Variants in TNIK observed in about 807,000 individuals in gnomAD.
The protein encoded by TNIK is TRAF2 and NCK-interacting protein kinase.
Under a neutral mutation model 191.3 loss-of-function variants are expected in TNIK, and 49 were observed. That is an observed-to-expected ratio of 0.26 (90% CI 0.20 to 0.32). TNIK has a LOEUF of 0.32. Ranked by LOEUF, TNIK falls within the 10% of genes least tolerant of loss-of-function variation. TNIK has a pLI of 1.00. For missense variants in TNIK, 1,155 were observed against 1,702.3 expected, an observed-to-expected ratio of 0.68 and a Z score of 5.66; for synonymous variants, 594 against 600.9, an observed-to-expected ratio of 0.99 and a Z score of 0.17.
At chr3:171,147,588 A>T (rs1468776775) in intron 12 of TNIK, among the ~76,000 whole-genome samples, 1 of 152,190 alleles carries the variant, frequency 6.6e-6, no homozygotes, top group Non-Finnish European at 1.5e-5. Flanking sequence ...GCACCTCTGA[A>T]TTCACTATAT....
At chr3:171,459,143 A>G (rs75059874) in intron 1 of TNIK, among the ~76,000 whole-genome samples, 3 of 152,220 alleles carry the variant, frequency 2.0e-5, no homozygotes, top group Non-Finnish European at 4.4e-5. Flanking sequence ...AATTCACGTG[A>G]AGGTAAACGC....
chr3:171,246,285 A>AT (rs34233731), intron 2 of TNIK, among the ~76,000 whole-genome samples: 13,441 of 150,454 alleles, frequency 0.089, 737 homozygotes, highest in African/African-American at 0.14. Context: ...AGAGAACCAG[A>AT]TAAAAAAAAA....
At chr3:171,364,737 A>C (rs1577646205) in intron 2 of TNIK, among the ~76,000 whole-genome samples, 1 of 152,298 alleles carries the variant, frequency 6.6e-6, no homozygotes, top group East Asian at 1.9e-4. Flanking sequence ...AGGGAAGCAG[A>C]GGCAGTGGCT....
chr3:171,262,763 TA>T (rs1423668444), intron 2 of TNIK, among the ~76,000 whole-genome samples: 1 of 152,266 alleles, frequency 6.6e-6, no homozygotes, highest in African/African-American at 2.4e-5. Context: ...AATTTTGTTC[TA>T]ATATCCATGC....
chr3:171,152,205 T>C (rs1732526840), intron 12 of TNIK, among the ~76,000 whole-genome samples: 1 of 151,950 alleles, frequency 6.6e-6, no homozygotes, highest in Non-Finnish European at 1.5e-5. Context: ...TGCTTGAATC[T>C]GGGAGGCAGA....
At chr3:171,412,005 C>T (rs761594072) in intron 1 of TNIK, among the ~76,000 whole-genome samples, 1 of 152,172 alleles carries the variant, frequency 6.6e-6, no homozygotes, top group African/African-American at 2.4e-5. Context: ...GCCTTGGGTG[C>T]CTGCTCTTAT....
chr3:171,379,160 GATAA>G (rs1271588891), intron 1 of TNIK, among the ~76,000 whole-genome samples: 1 of 152,086 alleles, frequency 6.6e-6, no homozygotes, highest in Non-Finnish European at 1.5e-5. Context: ...CAGCATAAAA[GATAA>G]ATAATATTTT....
chr3:171,154,914 G>A (rs1732965527), intron 12 of TNIK, among the ~76,000 whole-genome samples: 1 of 152,180 alleles, frequency 6.6e-6, no homozygotes, highest in African/African-American at 2.4e-5. Flanking sequence ...AACATTCAGT[G>A]TATATTCAAA....
At chr3:171,438,477 C>A (rs773207881) in intron 1 of TNIK, among the ~76,000 whole-genome samples, 10 of 152,222 alleles carry the variant, frequency 6.6e-5, no homozygotes, top group Non-Finnish European at 1.3e-4. Flanking sequence ...CCAGAAGACA[C>A]GTCCTGGTGA....
At chr3:171,428,004 G>A (rs1177202318) in intron 1 of TNIK, among the ~76,000 whole-genome samples, 4 of 152,158 alleles carry the variant, frequency 2.6e-5, no homozygotes, top group Non-Finnish European at 5.9e-5. Context: ...GCTGGGGGCT[G>A]GGGGAGCAGG....
chr3:171,148,447 C>G (rs1731944239), intron 12 of TNIK, among the ~76,000 whole-genome samples: 1 of 152,164 alleles, frequency 6.6e-6, no homozygotes, highest in African/African-American at 2.4e-5. Context: ...TACAGAGGAG[C>G]AAGAATGGCC....
chr3:171,082,586 A>G, intron 26 of TNIK, 192 bp from the exon 27 acceptor site: 1 of 685,828 alleles, frequency 1.5e-6, no homozygotes, highest in Non-Finnish European at 2.3e-6. Context: ...ATGAAATTAC[A>G]GTTTTCTTTT....
intron 1 of TNIK, among the ~76,000 whole-genome samples, chr3:171,379,208 A>G (rs1004224108): frequency 6.6e-6 from 1 of 152,246 alleles, no homozygotes; most frequent in East Asian, 1.9e-4. Flanking sequence ...CAGACTTAGC[A>G]TATTCATACT....
Position 171,108,756 on chromosome 3 carries a change from G to A in TNIK, c.2285-594C>T, listed in dbSNP as rs995190344. ...GTGGAACGGTTTTTAATTGGAGATG[G>A]GAGTGGTCTCAGCCCTTTAAAAATA... On this transcript the variant is annotated intron_variant, in intron 19 of 32. Coordinates refer to ENST00000436636, the MANE Select transcript of TNIK (RefSeq NM_015028.4). 3.3e-5 allele frequency among the ~76,000 whole-genome samples: 5 copies of A among 152,270 alleles called. No homozygotes were observed. The South Asian group carries it at 1.0e-3, about 32-fold the overall frequency.
At chr3:171,088,623 C>T (rs1721664964) in intron 23 of TNIK, among the ~76,000 whole-genome samples, 6 of 152,164 alleles carry the variant, frequency 3.9e-5, no homozygotes, top group Admixed American at 3.9e-4. Context: ...ACACGCTGTA[C>T]AGTTTTTACT....
chr3:171,403,316 T>C (rs1030739028), intron 1 of TNIK, among the ~76,000 whole-genome samples: 2 of 152,068 alleles, frequency 1.3e-5, no homozygotes, highest in Non-Finnish European at 2.9e-5. Flanking sequence ...GCTTTTGTCT[T>C]AGAAAAGGGG....
chr3:171,373,380 C>T (rs1716793052), intron 1 of TNIK, among the ~76,000 whole-genome samples: 1 of 152,108 alleles, frequency 6.6e-6, no homozygotes, highest in South Asian at 2.1e-4. Context: ...TTCTAGGTAC[C>T]TTCCCCTAAG....
chr3:171,451,417 C>T (rs1728161111), intron 1 of TNIK, among the ~76,000 whole-genome samples: 1 of 152,198 alleles, frequency 6.6e-6, no homozygotes, highest in African/African-American at 2.4e-5. Flanking sequence ...CTTCCTGCAA[C>T]CTCAGGAGAT....
rs1431133517 is a variant in TNIK, at chr3:171,066,648, C to T, written c.3787G>A (p.Val1263Met). The T allele has an allele frequency of 6.2e-7, 1 of 1,613,806 alleles. No individual in the cohort carries two copies. Among genetic ancestry groups the T allele is most frequent in the Non-Finnish European group, 8.5e-7 (1 of 1,179,870 alleles). ...ATCCGGCCATAGGTGTTTACATACA[C>T]CCCCTCATCCTCATAGCAAACAAGC... ...EMLVCYEDEG[V>M]YVNTYGRITK... The change falls in exon 31 of 33, where the codon GTG (valine) becomes ATG (methionine). Residue 1263 changes from valine to methionine, a missense_variant. By Grantham distance (21) the Val-to-Met change is conservative. Coordinates refer to ENST00000436636, the MANE Select transcript of TNIK (RefSeq NM_015028.4).
Sources: allele counts gnomAD v4.1 joint callset (sites outside exome capture counted in the v4.1 genomes callset), GRCh38; gene constraint gnomAD v4.1.1; transcripts MANE v1.5; gene names NCBI Gene and HGNC (gene_info 2026-07-23, HGNC 2026-07-21).